LRRC1: variants seen among roughly 807,000 people sequenced by gnomAD.
LRRC1 encodes leucine-rich repeat-containing protein 1.
LRRC1 carries 28 observed loss-of-function variants against 69.9 expected under a neutral mutation model. The ratio of observed to expected loss-of-function variants is 0.40; its 90% CI spans 0.30 to 0.55. The LOEUF is 0.55. LRRC1 is among the 20% of genes least tolerant of loss of function. The probability of loss-of-function intolerance (pLI) is 0.47; values close to 1 mark genes in which losing one functional copy is unlikely to be tolerated. For synonymous variants in LRRC1, 236 were observed against 240.2 expected (o/e 0.98, Z 0.16); for missense variants, 498 against 609.0 (o/e 0.82, Z 1.92).
intron 2 of LRRC1, among the ~76,000 whole-genome samples, chr6:53,857,092 A>G (rs1766334237): frequency 1.3e-5 from 2 of 152,176 alleles, no homozygotes; most frequent in Non-Finnish European, 2.9e-5. Context: ...GCTGTTCAGT[A>G]GGCAGATGAA....
At chr6:53,805,205 G>GC (rs748746973) in intron 1 of LRRC1, among the ~76,000 whole-genome samples, 2 of 152,170 alleles carry the variant, frequency 1.3e-5, no homozygotes, top group Non-Finnish European at 2.9e-5. Flanking sequence ...TATGCTATGG[G>GC]CCCTTGTCAG....
chr6:53,852,443 A>G (rs4715429), intron 2 of LRRC1, among the ~76,000 whole-genome samples: 69,161 of 152,020 alleles, frequency 0.45, 15,991 homozygotes, highest in Middle Eastern at 0.54. Context: ...ACTTCTAGAT[A>G]CTGTGCACCC....
chr6:53,819,804 T>A (rs955192325), intron 1 of LRRC1, among the ~76,000 whole-genome samples: 17 of 152,184 alleles, frequency 1.1e-4, no homozygotes, highest in African/African-American at 3.9e-4. Flanking sequence ...CTACCTCAAA[T>A]GAGATTTATT....
At chr6:53,815,870 A>G (rs7762883) in intron 1 of LRRC1, among the ~76,000 whole-genome samples, 125,543 of 152,184 alleles carry the variant, frequency 0.82, 51,987 homozygotes, top group East Asian at 0.92. Context: ...TTTAATGCTA[A>G]CACTGAAAAA....
chr6:53,830,372 G>A (rs1765392746), intron 1 of LRRC1, among the ~76,000 whole-genome samples: 1 of 152,190 alleles, frequency 6.6e-6, no homozygotes, highest in South Asian at 2.1e-4. Context: ...AGTAGACTTT[G>A]TTGGATACTA....
intron 1 of LRRC1, among the ~76,000 whole-genome samples, chr6:53,834,837 C>G (rs1311898646): frequency 3.3e-5 from 5 of 152,108 alleles, no homozygotes; most frequent in African/African-American, 9.7e-5. Flanking sequence ...TGGCACACAC[C>G]GGTAGTCCCA....
At chr6:53,802,109 G>A (rs1035808303) in intron 1 of LRRC1, among the ~76,000 whole-genome samples, 2 of 152,200 alleles carry the variant, frequency 1.3e-5, no homozygotes, top group African/African-American at 4.8e-5. Flanking sequence ...GAGGCATGGC[G>A]ATGTGAAGAG....
intron 1 of LRRC1, among the ~76,000 whole-genome samples, chr6:53,801,195 A>G (rs962929755): frequency 9.2e-5 from 14 of 152,204 alleles, no homozygotes; most frequent in Non-Finnish European, 1.8e-4. Context: ...CACAGCGCAC[A>G]TTGGTGTCAG....
At chr6:53,797,394 G>C (rs1325219869) in intron 1 of LRRC1, among the ~76,000 whole-genome samples, 1 of 152,106 alleles carries the variant, frequency 6.6e-6, no homozygotes, top group Non-Finnish European at 1.5e-5. Context: ...GTGTGTCTTG[G>C]TGCCTGGGTG....
chr6:53,827,384 T>C (rs1024020545), intron 1 of LRRC1, among the ~76,000 whole-genome samples: 2 of 151,110 alleles, frequency 1.3e-5, no homozygotes, highest in East Asian at 1.9e-4. Flanking sequence ...ATCTATTGAG[T>C]AGAACTGTGG....
intron 10 of LRRC1, 194 bp downstream of exon 10, chr6:53,904,656 T>C (rs1365330322): frequency 8.5e-6 from 3 of 353,192 alleles, no homozygotes; most frequent in Non-Finnish European, 1.6e-5. Context: ...TAAGGAGAGT[T>C]GGAAAAGGTG....
At chr6:53,862,672 CAT>C (rs1242683876) in intron 2 of LRRC1, among the ~76,000 whole-genome samples, 1 of 152,078 alleles carries the variant, frequency 6.6e-6, no homozygotes, top group Non-Finnish European at 1.5e-5. Flanking sequence ...CCTTCTGTAC[CAT>C]CAGGAGACCC....
chr6:53,819,384 T>C (rs1765049408), intron 1 of LRRC1, among the ~76,000 whole-genome samples: 1 of 152,110 alleles, frequency 6.6e-6, no homozygotes, highest in Admixed American at 6.5e-5. Flanking sequence ...CCTTGAAAAG[T>C]ACTTAAAGAA....
intron 10 of LRRC1, chr6:53,905,303 CA>C (rs1336583713): frequency 6.9e-6 from 1 of 143,982 alleles, no homozygotes; most frequent in East Asian, 2.1e-4. Context: ...CACTGCACTC[CA>C]GCCCGGGTGA....
intron 2 of LRRC1, among the ~76,000 whole-genome samples, chr6:53,849,484 C>A (rs1766058914): frequency 6.6e-6 from 1 of 152,180 alleles, no homozygotes; most frequent in Admixed American, 6.5e-5. Context: ...TTTGAGGCCA[C>A]CCATTTTGCC....
chr6:53,815,934 C>G (rs1033819457), intron 1 of LRRC1, among the ~76,000 whole-genome samples: 1 of 152,178 alleles, frequency 6.6e-6, no homozygotes, highest in African/African-American at 2.4e-5. Flanking sequence ...TTCCTGTATC[C>G]AGGATATAAG....
intron 1 of LRRC1, among the ~76,000 whole-genome samples, chr6:53,841,148 G>C (rs1335146092): frequency 6.6e-6 from 1 of 152,130 alleles, no homozygotes; most frequent in Non-Finnish European, 1.5e-5. Context: ...TTTTTAGCAT[G>C]GTTATGTTAC....
chr6:53,805,913 C>T (rs1222412619), intron 1 of LRRC1, among the ~76,000 whole-genome samples: 1 of 152,248 alleles, frequency 6.6e-6, no homozygotes, highest in East Asian at 1.9e-4. Context: ...GGCGGCATGC[C>T]ATGCTCCGCC....
chr6:53,824,191 T>A (rs1320721332), intron 1 of LRRC1, among the ~76,000 whole-genome samples: 1 of 152,096 alleles, frequency 6.6e-6, no homozygotes, highest in East Asian at 1.9e-4. Flanking sequence ...CCATTCTGAT[T>A]GGTGTGAGAT....
Sources: allele counts gnomAD v4.1 joint callset (sites outside exome capture counted in the v4.1 genomes callset), GRCh38; gene constraint gnomAD v4.1.1; transcripts MANE v1.5; gene names NCBI Gene and HGNC (gene_info 2026-07-23, HGNC 2026-07-21).